Variants in PURG observed in about 807,000 individuals in gnomAD.
PURG encodes purine rich element binding protein G, also known as purine-rich element-binding protein gamma.
A neutral mutation model predicts 24.3 loss-of-function variants in PURG; 3 were observed. That is an observed-to-expected ratio of 0.12 (90% CI 0.06 to 0.32). The LOEUF is 0.32. Among genes scored for constraint, PURG ranks in the 10% least tolerant of loss-of-function variants. The pLI is 1.00. For missense variants in PURG, 371 were observed against 439.1 expected (o/e 0.84, Z 1.39); for synonymous variants, 180 against 173.1 (o/e 1.04, Z -0.31).
chr8:31,008,875 A>C (rs1351468909), intron 1 of PURG, among the ~76,000 whole-genome samples: 1 of 152,184 alleles, frequency 6.6e-6, no homozygotes, highest in East Asian at 1.9e-4. Context: ...ATACTAGGCC[A>C]CTGAGATTGC....
At chr8:31,024,816 A>G (rs1353101664) in intron 1 of PURG, among the ~76,000 whole-genome samples, 1 of 152,088 alleles carries the variant, frequency 6.6e-6, no homozygotes, top group Admixed American at 6.6e-5. Context: ...AAACAACATA[A>G]GCTTTTTTTC....
rs199670741 is a variant in PURG at position 31,032,739 on chromosome 8, C to A, written c.44G>T (p.Arg15Leu). 2.0e-4 allele frequency: 279 copies of A among 1,393,726 alleles called. No homozygotes were observed. The highest frequency in any genetic ancestry group is 2.5e-4 in the Non-Finnish European group (266 of 1,066,290). The allele number at this position is 1,393,726 out of a possible 1,614,324, so 86.3% of individuals were successfully genotyped here. ...RRRGGGGGRG[R>L]GGKNVGGSGL... ...AGAGCCCCCTACATTCTTGCCTCCG[C>A]GGCCGCGGCCGCCGCCGCCTCCCCT... Residue 15 changes from arginine to leucine, a missense_variant, in exon 2 of 2, where the codon CGC becomes CTC. Arg to Leu is a moderately radical substitution (Grantham distance 102). This residue lies in a region of PURG where 213 missense variants were observed against 230.6 expected (regional missense o/e 0.92). Coordinates refer to ENST00000523392, the MANE Select transcript of PURG (RefSeq NM_001323311.2). This position sits in a 1 kb window ranked among gnomAD's most constrained non-coding sequence, Gnocchi z 5.9.
At chr8:31,003,757 A>G (rs1810587921) in intron 1 of PURG, among the ~76,000 whole-genome samples, 3 of 150,326 alleles carry the variant, frequency 2.0e-5, no homozygotes, top group Admixed American at 2.0e-4. Flanking sequence ...GCAAGACTCC[A>G]TCTCAAAAAA....
chr8:31,003,510 C>T (rs1303914673), intron 1 of PURG, among the ~76,000 whole-genome samples: 2 of 151,976 alleles, frequency 1.3e-5, no homozygotes, highest in Non-Finnish European at 2.9e-5. Flanking sequence ...ACCTGTCATC[C>T]CAGCACTTTG....
At chr8:31,002,515 T>C (rs1378026546) in intron 1 of PURG, among the ~76,000 whole-genome samples, 1 of 152,194 alleles carries the variant, frequency 6.6e-6, no homozygotes, top group Non-Finnish European at 1.5e-5. Context: ...ACAGGGTCTC[T>C]CTCTGAAGCC....
At chr8:31,009,278 T>C (rs888584355) in intron 1 of PURG, among the ~76,000 whole-genome samples, 2 of 152,028 alleles carry the variant, frequency 1.3e-5, no homozygotes, top group African/African-American at 4.8e-5. Flanking sequence ...ATACAAAAAT[T>C]AGCTGGGCGT....
At chr8:31,000,096 A>C (rs1810508787) in intron 1 of PURG, among the ~76,000 whole-genome samples, 1 of 152,136 alleles carries the variant, frequency 6.6e-6, no homozygotes, top group Admixed American at 6.6e-5. Flanking sequence ...AAACAGTATT[A>C]AACACTGAGG....
Position 31,003,716 on chromosome 8 carries a change from C to T in PURG, c.865-7019G>A, listed in dbSNP as rs182148050. 3.4e-4 allele frequency among the ~76,000 whole-genome samples: 51 copies of T among 152,052 alleles called. No individual in the cohort carries two copies. The East Asian group carries it at 4.6e-3, about 14-fold the overall frequency. The stretch of plus-strand genomic sequence containing the variant: ...AGTGGAGGTTGCAATGACCCGAGAT[C>T]GCCCCACTGCAATCCAGCCTGGGTG... On this transcript the variant is annotated intron_variant, in intron 1 of 1. Transcript: ENST00000339382.
At chr8:31,028,935 T>A (rs1365104868), downstream of PURG, among the ~76,000 whole-genome samples, 1 of 151,870 alleles carries the variant, frequency 6.6e-6, no homozygotes, top group African/African-American at 2.4e-5. Flanking sequence ...ATTTTTTAAC[T>A]TCTAACTTCC....
intron 1 of PURG, among the ~76,000 whole-genome samples, chr8:31,011,872 A>G (rs1810770415): frequency 6.6e-6 from 1 of 152,232 alleles, no homozygotes; most frequent in Admixed American, 6.5e-5. Context: ...AGCAAGGGAA[A>G]GAATATTTCT....
At chr8:31,012,747 T>A (rs966929002) in intron 1 of PURG, among the ~76,000 whole-genome samples, 1 of 152,228 alleles carries the variant, frequency 6.6e-6, no homozygotes, top group Non-Finnish European at 1.5e-5. Flanking sequence ...CTAGAAGGCA[T>A]AGAGCCAAGG....
At chr8:31,010,156 T>C (rs1268578071) in intron 1 of PURG, among the ~76,000 whole-genome samples, 1 of 152,246 alleles carries the variant, frequency 6.6e-6, no homozygotes. Flanking sequence ...ATTTACTCGC[T>C]GTTTAATTAA....
chr8:31,019,193 A>G (rs1386477928), intron 1 of PURG, among the ~76,000 whole-genome samples: 2 of 116,416 alleles, frequency 1.7e-5, no homozygotes, highest in Admixed American at 2.0e-4. Flanking sequence ...ATATATATAT[A>G]TGGCTTTAAT....
chr8:31,026,777 T>C (rs192970634), downstream of PURG, among the ~76,000 whole-genome samples: 192 of 151,212 alleles, frequency 1.3e-3, no homozygotes, highest in South Asian at 2.5e-3. Context: ...TTTTGTACTA[T>C]ATGTATGTTT....
chr8:31,012,751 G>A lies in PURG; in HGVS notation c.865-16054C>T, dbSNP rs533347087. On this transcript the variant is annotated intron_variant, in intron 1 of 1. Coordinates refer to the PURG transcript ENST00000339382. ...CCCAGGCCCAGCTAGAAGGCATAGA[G>A]CCAAGGCTTCTGAAAGACAGTGCAT... 3.3e-4 allele frequency among the ~76,000 whole-genome samples: 51 copies of A among 152,340 alleles called. No homozygotes were observed. In the South Asian group the frequency reaches 0.011, roughly 32 times the overall value.
chr8:31,013,044 T>A (rs1810793056), intron 1 of PURG, among the ~76,000 whole-genome samples: 2 of 152,216 alleles, frequency 1.3e-5, no homozygotes, highest in Admixed American at 6.5e-5. Flanking sequence ...CCAAGATTAA[T>A]TTTTTATATA....
rs1296258134 is a variant in PURG, at chr8:31,032,943, G to C, written c.-7+135C>G. On this transcript the variant is annotated intron_variant, in intron 1 of 1. Transcript: ENST00000523392. This position sits in a 1 kb window ranked among gnomAD's most constrained non-coding sequence, Gnocchi z 5.9. ...GCAGCGCGGGGCTCCAGCCACTGCC[G>C]GCCGGTTGGCGGCCGCCGCTCCGGC... 6 of 321,288 alleles carry C rather than the reference G, an allele frequency of 1.9e-5. No individual in the cohort carries two copies. The highest frequency in any genetic ancestry group is 2.3e-5 in the African/African-American group (1 of 42,614). 19.9% of individuals were successfully genotyped at this position (321,288 alleles called of 1,614,324 possible).
At chr8:31,019,327 A>ATTTT (rs771463137) in intron 1 of PURG, among the ~76,000 whole-genome samples, 3 of 78,960 alleles carry the variant, frequency 3.8e-5, no homozygotes, top group Non-Finnish European at 7.2e-5. Context: ...AACACCTCTA[A>ATTTT]TTTTTTTTTT....
chr8:31,001,585 T>C (rs1051956440), intron 1 of PURG, among the ~76,000 whole-genome samples: 7 of 152,186 alleles, frequency 4.6e-5, no homozygotes, highest in African/African-American at 1.4e-4. Context: ...TCTGCTATAT[T>C]ATCCAGACCC....
Sources: gnomAD v4.1 joint callset for allele counts (sites outside exome capture counted in the v4.1 genomes callset) on GRCh38, gnomAD v4.1.1 for gene constraint, gnomAD v4.1.1 regional missense constraint, Gnocchi (gnomAD v3.1) non-coding constraint, MANE v1.5 for transcripts, NCBI Gene and HGNC (gene_info 2026-07-23, HGNC 2026-07-21) for gene names.